Variants in COL4A6 observed in about 807,000 individuals in gnomAD.
COL4A6 encodes the protein collagen alpha-6(IV) chain.
COL4A6 carries 59 observed loss-of-function variants against 126.7 expected under a neutral mutation model. That is an observed-to-expected ratio of 0.47 (90% CI 0.38 to 0.58). The LOEUF (loss-of-function observed/expected upper bound fraction) is 0.58, where lower values mean the gene tolerates loss of function less well. Among genes scored for constraint, COL4A6 ranks in the 20% least tolerant of loss-of-function variants. The probability of loss-of-function intolerance (pLI) is 0.00; values close to 1 mark genes in which losing one functional copy is unlikely to be tolerated. For missense variants in COL4A6, 1,285 were observed against 1,337.3 expected (o/e 0.96, Z 0.61); for synonymous variants, 547 against 496.6 (o/e 1.10, Z -1.35).
At chrX:108,384,078 C>T (rs1206476006) in intron 2 of COL4A6, 2 of 325,031 alleles carry the variant, frequency 6.2e-6, no homozygotes, top group Non-Finnish European at 1.1e-5. Context: ...CAGTTACCCA[C>T]CTACCCACCT....
At chrX:108,431,016 C>T (rs1253923250) in intron 2 of COL4A6, among the ~76,000 whole-genome samples, 1 of 111,185 alleles carries the variant, frequency 9.0e-6, no homozygotes, top group African/African-American at 3.3e-5. Flanking sequence ...ATTTGATAAT[C>T]ATCACTATAT....
chrX:108,411,647 G>T (rs771767437), intron 2 of COL4A6, among the ~76,000 whole-genome samples: 1 of 111,695 alleles, frequency 9.0e-6, no homozygotes, highest in Admixed American at 9.5e-5. Context: ...TTAGATGAGG[G>T]TACTAGGTCA....
chrX:108,261,851 G>C (rs192899135), intron 3 of COL4A6, among the ~76,000 whole-genome samples: 8 of 111,617 alleles, frequency 7.2e-5, no homozygotes, highest in African/African-American at 2.3e-4. Flanking sequence ...GTTTGTTCTT[G>C]GCATTTACAA....
At chrX:108,188,398 C>T in intron 21 of COL4A6, 119 bp downstream of exon 21, 2 of 755,958 alleles carry the variant, frequency 2.6e-6, no homozygotes, top group Non-Finnish European at 1.8e-6. Context: ...GATCAAAACC[C>T]CAAAACTTTG....
At chrX:108,237,987 T>C (rs1423805991) in intron 3 of COL4A6, among the ~76,000 whole-genome samples, 4 of 109,575 alleles carry the variant, frequency 3.7e-5, no homozygotes, top group African/African-American at 1.3e-4. Context: ...GTCTATCTTC[T>C]ATCTCTATGT....
intron 2 of COL4A6, among the ~76,000 whole-genome samples, chrX:108,386,014 C>T (rs1347920289): frequency 2.7e-5 from 3 of 111,154 alleles, no homozygotes; most frequent in African/African-American, 9.8e-5. Flanking sequence ...TGATGGTTTC[C>T]AGCTTCATCC....
chrX:108,357,064 C>A (rs975267686), intron 2 of COL4A6, among the ~76,000 whole-genome samples: 1 of 112,086 alleles, frequency 8.9e-6, no homozygotes, highest in East Asian at 2.8e-4. Flanking sequence ...AGGCTGTTCT[C>A]TATTCCTTTT....
At chrX:108,299,342 A>C (rs1042315342) in intron 3 of COL4A6, among the ~76,000 whole-genome samples, 1 of 111,616 alleles carries the variant, frequency 9.0e-6, no homozygotes, top group African/African-American at 3.3e-5. Flanking sequence ...CTCTGTTCTT[A>C]AAGCAAAGGG....
chrX:108,179,796 G>A (rs1426823008), intron 25 of COL4A6, among the ~76,000 whole-genome samples: 2 of 107,332 alleles, frequency 1.9e-5, no homozygotes, highest in African/African-American at 6.8e-5. Context: ...TTCTTCTTGG[G>A]TGGGGAGAGG....
At chrX:108,208,134 T>C (rs913266966) in intron 8 of COL4A6, among the ~76,000 whole-genome samples, 1 of 112,226 alleles carries the variant, frequency 8.9e-6, no homozygotes, top group African/African-American at 3.2e-5. Context: ...GACATAACAA[T>C]CTTAGATGCC....
chrX:108,437,796 C>T (rs1451706305), intron 2 of COL4A6, 146 bp downstream of exon 2: 2 of 599,415 alleles, frequency 3.3e-6, no homozygotes, highest in Non-Finnish European at 5.4e-6. Context: ...TCTCAAGAAT[C>T]TCATTAACTC....
intron 3 of COL4A6, among the ~76,000 whole-genome samples, chrX:108,298,795 C>G (rs1189768706): frequency 9.1e-6 from 1 of 109,430 alleles, no homozygotes; most frequent in Non-Finnish European, 1.9e-5. Context: ...ACCTTGGAGG[C>G]CTTCAAGTCT....
intron 2 of COL4A6, among the ~76,000 whole-genome samples, chrX:108,416,343 T>C: frequency 8.9e-6 from 1 of 112,046 alleles, no homozygotes; most frequent in East Asian, 2.8e-4. Context: ...GAGTAGAAAA[T>C]AAACAATTTG....
At chrX:108,165,510 C>A in intron 37 of COL4A6, 24 bp from the exon 38 acceptor site, 2 of 1,035,113 alleles carry the variant, frequency 1.9e-6, no homozygotes, top group Non-Finnish European at 2.6e-6. Context: ...ATAAAAGGGG[C>A]TGGATAGGCT....
At chrX:108,243,368 T>A (rs2036627717) in intron 3 of COL4A6, among the ~76,000 whole-genome samples, 1 of 111,066 alleles carries the variant, frequency 9.0e-6, no homozygotes, top group Middle Eastern at 4.6e-3. Flanking sequence ...AGTGAGGTCA[T>A]AAGAGTGGCA....
intron 3 of COL4A6, among the ~76,000 whole-genome samples, chrX:108,242,536 A>G (rs958326533): frequency 4.5e-5 from 5 of 112,223 alleles, no homozygotes; most frequent in African/African-American, 1.6e-4. Context: ...ATAAATAAAT[A>G]TTTGGCAATA....
In COL4A6 at chrX:108,438,188, A is replaced by G; in HGVS notation, c.9T>C (p.Pro3=). The G allele has an allele frequency of 8.3e-7, 1 of 1,200,061 alleles. No homozygotes were observed. The highest frequency in any genetic ancestry group is 1.1e-6 in the Non-Finnish European group (1 of 890,734). The stretch of plus-strand genomic sequence containing the variant: ...AGCTCGGGGCAGCAACAGCTCACCC[A>G]GGGTGCATGCTTGCGGCTCCTCCGG... MH[P]GLWLLLVTLC... Residue 3 remains proline, a splice_region_variant and synonymous_variant, in exon 1 of 45, where the codon CCT becomes CCC. Transcript: ENST00000334504.
intron 19 of COL4A6, among the ~76,000 whole-genome samples, chrX:108,190,721 T>C (rs1011109594): frequency 4.5e-5 from 5 of 112,144 alleles, no homozygotes; most frequent in Middle Eastern, 4.6e-3. Context: ...ATGTCCATTA[T>C]GTTCCAGGCA....
At chrX:108,362,358 T>C (rs903625842) in intron 2 of COL4A6, among the ~76,000 whole-genome samples, 1 of 111,804 alleles carries the variant, frequency 8.9e-6, no homozygotes, top group African/African-American at 3.3e-5. Context: ...ATGGGTAAAA[T>C]GTTAATACAT....
Sources: gnomAD v4.1 joint callset for allele counts (sites outside exome capture counted in the v4.1 genomes callset) on GRCh38, gnomAD v4.1.1 for gene constraint, MANE v1.5 for transcripts, NCBI Gene and HGNC (gene_info 2026-07-23, HGNC 2026-07-21) for gene names.